Variants in EEFSEC observed in about 807,000 individuals in gnomAD.
EEFSEC encodes selenocysteine-specific elongation factor.
A neutral mutation model predicts 42.1 loss-of-function variants in EEFSEC; 43 were observed. The observed-to-expected ratio is 1.02, with a 90% CI of 0.80 to 1.32. EEFSEC has a LOEUF of 1.32. Ranked by LOEUF, EEFSEC falls within the 40% of genes most tolerant of loss-of-function variation. EEFSEC has a pLI of 0.00. For missense variants in EEFSEC, 745 were observed against 803.6 expected, an observed-to-expected ratio of 0.93 and a Z score of 0.88; for synonymous variants, 354 against 339.1, an observed-to-expected ratio of 1.04 and a Z score of -0.48.
intron 4 of EEFSEC, among the ~76,000 whole-genome samples, chr3:128,298,685 CT>C (rs1415991581): frequency 3.3e-5 from 5 of 152,150 alleles, no homozygotes; most frequent in Non-Finnish European, 1.5e-5. Flanking sequence ...GATCTTATTC[CT>C]TCTGTCTAAC....
At chr3:128,186,213 G>T (rs1038225465) in intron 1 of EEFSEC, among the ~76,000 whole-genome samples, 3 of 152,122 alleles carry the variant, frequency 2.0e-5, no homozygotes, top group African/African-American at 7.2e-5. Flanking sequence ...TTTTCATGTG[G>T]TTGTTAATAT....
At chr3:128,284,114 C>T (rs949955383) in intron 4 of EEFSEC, among the ~76,000 whole-genome samples, 1 of 152,176 alleles carries the variant, frequency 6.6e-6, no homozygotes, top group African/African-American at 2.4e-5. Context: ...TGTGGCACCT[C>T]CAGCCCTCCA....
intron 6 of EEFSEC, among the ~76,000 whole-genome samples, chr3:128,380,178 C>T (rs1216303901): frequency 6.6e-6 from 1 of 152,198 alleles, no homozygotes; most frequent in African/African-American, 2.4e-5. Context: ...CACCCCGATA[C>T]CCACTGGACA....
intron 4 of EEFSEC, among the ~76,000 whole-genome samples, chr3:128,311,970 C>G (rs900111238): frequency 2.6e-5 from 4 of 152,208 alleles, no homozygotes; most frequent in African/African-American, 7.2e-5. Context: ...CTCCCAACCT[C>G]TCTATGTTGG....
intron 4 of EEFSEC, among the ~76,000 whole-genome samples, chr3:128,287,825 C>G (rs1368007086): frequency 2.0e-5 from 3 of 152,180 alleles, no homozygotes; most frequent in African/African-American, 7.2e-5. Context: ...ATAGTTCCTA[C>G]CCTATTACCA....
chr3:128,203,244 G>C (rs1310857072), intron 1 of EEFSEC, among the ~76,000 whole-genome samples: 1 of 152,198 alleles, frequency 6.6e-6, no homozygotes, highest in Non-Finnish European at 1.5e-5. Context: ...ATTTGTTGAC[G>C]GAAGTGATTT....
At chr3:128,303,842 C>T (rs2066796761) in intron 4 of EEFSEC, among the ~76,000 whole-genome samples, 1 of 152,092 alleles carries the variant, frequency 6.6e-6, no homozygotes, top group African/African-American at 2.4e-5. Context: ...TGTAGCCTAC[C>T]TTTATTTTGA....
chr3:128,175,289 T>C (rs919751547), intron 1 of EEFSEC, among the ~76,000 whole-genome samples: 1 of 152,228 alleles, frequency 6.6e-6, no homozygotes, highest in Non-Finnish European at 1.5e-5. Flanking sequence ...TTGTGGTCTT[T>C]GGTCTTTCCT....
intron 1 of EEFSEC, among the ~76,000 whole-genome samples, chr3:128,217,893 A>G (rs545875934): frequency 6.6e-6 from 1 of 152,182 alleles, no homozygotes; most frequent in Non-Finnish European, 1.5e-5. Context: ...CTATGCGAAC[A>G]TTTTTCCACT....
chr3:128,249,589 C>T (rs2066162976), intron 2 of EEFSEC, among the ~76,000 whole-genome samples: 1 of 152,214 alleles, frequency 6.6e-6, no homozygotes, highest in African/African-American at 2.4e-5. Context: ...AATAACTCCC[C>T]TTTCTCCCTT....
intron 4 of EEFSEC, among the ~76,000 whole-genome samples, chr3:128,324,827 T>C (rs903187569): frequency 2.6e-5 from 4 of 152,182 alleles, no homozygotes; most frequent in African/African-American, 9.7e-5. Flanking sequence ...AATATGCTAA[T>C]ACTAAAGGCT....
At chr3:128,289,230 C>A (rs2066617732) in intron 4 of EEFSEC, among the ~76,000 whole-genome samples, 1 of 152,156 alleles carries the variant, frequency 6.6e-6, no homozygotes, top group African/African-American at 2.4e-5. Flanking sequence ...AATGCTGATT[C>A]CTGGGACAGT....
At chr3:128,197,060 G>A (rs1041595360) in intron 1 of EEFSEC, among the ~76,000 whole-genome samples, 2 of 151,960 alleles carry the variant, frequency 1.3e-5, no homozygotes, top group African/African-American at 4.8e-5. Context: ...TCTTTGTTCT[G>A]TGTACTTTTG....
intron 1 of EEFSEC, among the ~76,000 whole-genome samples, chr3:128,210,580 C>G (rs750728294): frequency 9.2e-5 from 14 of 152,190 alleles, no homozygotes; most frequent in Non-Finnish European, 2.1e-4. Context: ...CTTGGGATAA[C>G]TGTGGCACAG....
rs201798791 is a variant in EEFSEC at position 128,326,775 on chromosome 3, T to TA, written c.787-14456dup. 6.2e-3 allele frequency among the ~76,000 whole-genome samples: 942 copies of TA among 152,332 alleles called. 8 individuals are homozygous for TA. The highest frequency in any genetic ancestry group is 0.021 in the African/African-American group (883 of 41,574). On this transcript the variant is annotated intron_variant, in intron 4 of 6. Coordinates refer to ENST00000254730, the MANE Select transcript of EEFSEC (RefSeq NM_021937.5). ...TTTTTATTCTTAAATAGTTAAGTTTTAATCACACAATCAATTCATGAATTT... is the reference window on the plus strand; with the variant it reads ...TTTTTATTCTTAAATAGTTAAGTTTTAAATCACACAATCAATTCATGAATTT...
intron 6 of EEFSEC, among the ~76,000 whole-genome samples, chr3:128,366,782 C>A (rs1413363413): frequency 6.6e-6 from 1 of 152,158 alleles, no homozygotes; most frequent in Non-Finnish European, 1.5e-5. Flanking sequence ...TGCTTTTGAG[C>A]CCCTGTTATG....
chr3:128,270,677 G>A (rs2066404288), intron 4 of EEFSEC, among the ~76,000 whole-genome samples: 1 of 152,220 alleles, frequency 6.6e-6, no homozygotes, highest in African/African-American at 2.4e-5. Flanking sequence ...GCCCAAACAA[G>A]CCTGCAGTCT....
chr3:128,281,678 G>A (rs1299575684), intron 4 of EEFSEC, among the ~76,000 whole-genome samples: 1 of 152,130 alleles, frequency 6.6e-6, no homozygotes, highest in East Asian at 1.9e-4. Context: ...GAACCAGCAT[G>A]CCACCTCTGG....
At chr3:128,355,896 G>A (rs143718909) in intron 5 of EEFSEC, among the ~76,000 whole-genome samples, 18 of 152,370 alleles carry the variant, frequency 1.2e-4, no homozygotes, top group African/African-American at 4.1e-4. Context: ...TTGGAGAGGA[G>A]TAGGGGCTGG....
Sources: gnomAD v4.1 joint callset for allele counts (sites outside exome capture counted in the v4.1 genomes callset) on GRCh38, gnomAD v4.1.1 for gene constraint, MANE v1.5 for transcripts, NCBI Gene and HGNC (gene_info 2026-07-23, HGNC 2026-07-21) for gene names.